LHPP: variants seen among roughly 807,000 people sequenced by gnomAD.
LHPP encodes hLHPP.
Under a neutral mutation model 30.3 loss-of-function variants are expected in LHPP, and 24 were observed. The ratio of observed to expected loss-of-function variants is 0.79; its 90% CI spans 0.57 to 1.11. The LOEUF (loss-of-function observed/expected upper bound fraction) is 1.11. Among genes scored for constraint, LHPP ranks in the 50% most tolerant of loss-of-function variants. The pLI is 0.00. For synonymous variants in LHPP, 150 were observed against 157.1 expected (o/e 0.95, Z 0.34); for missense variants, 356 against 367.2 (o/e 0.97, Z 0.25).
At position 124,509,362 on chromosome 10, in the gene LHPP, G is replaced by A. The variant is rs149795034; in HGVS notation, c.625-7818G>A. ...GCTGCTTCCAGTTTCGCTCTTGTGCGTAACCCTGATGAACACATCTTGTAT... is the reference window on the plus strand; with the variant it reads ...GCTGCTTCCAGTTTCGCTCTTGTGCATAACCCTGATGAACACATCTTGTAT... On this transcript the variant is annotated intron_variant, in intron 5 of 6. Coordinates refer to ENST00000368842, the MANE Select transcript of LHPP (RefSeq NM_022126.4). Among the ~76,000 whole-genome samples, 126 of 152,258 alleles carry A rather than the reference G, an allele frequency of 8.3e-4. 1 individual carries two copies. The highest frequency in any genetic ancestry group is 2.9e-3 in the African/African-American group (120 of 41,536).
chr10:124,490,326 G>A, intron 3 of LHPP: 1 of 254,876 alleles, frequency 3.9e-6, no homozygotes, highest in Non-Finnish European at 8.1e-6. Flanking sequence ...GCTCTCCAGG[G>A]GCAGATGGTG....
intron 6 of LHPP, among the ~76,000 whole-genome samples, chr10:124,524,867 T>C (rs112127716): frequency 2.0e-5 from 3 of 152,350 alleles, no homozygotes; most frequent in African/African-American, 7.2e-5. Flanking sequence ...TGGTAAAATA[T>C]ATATAACATA....
At chr10:124,486,891 C>G (rs1953345502) in intron 2 of LHPP, among the ~76,000 whole-genome samples, 1 of 152,260 alleles carries the variant, frequency 6.6e-6, no homozygotes, top group East Asian at 1.9e-4. Context: ...TGCAGTGGCT[C>G]AGAGGTTATC....
At chr10:124,520,696 G>A (rs191335917) in intron 6 of LHPP, among the ~76,000 whole-genome samples, 2 of 152,360 alleles carry the variant, frequency 1.3e-5, no homozygotes, top group South Asian at 2.1e-4. Flanking sequence ...AGGAGGTGGG[G>A]CTCTGCGTGT....
At chr10:124,574,393 AG>A (rs1194392337) in intron 6 of LHPP, among the ~76,000 whole-genome samples, 2 of 152,002 alleles carry the variant, frequency 1.3e-5, no homozygotes, top group African/African-American at 2.4e-5. Flanking sequence ...CCCTCGGCAT[AG>A]TCCCCTCGAG....
chr10:124,514,038 T>G (rs1046596882), intron 5 of LHPP, among the ~76,000 whole-genome samples: 3 of 152,198 alleles, frequency 2.0e-5, no homozygotes, highest in African/African-American at 4.8e-5. Context: ...CAAGTGCCAG[T>G]TGTCAACCCA....
rs911213845 is a variant in LHPP, at chr10:124,523,089, C to G, written c.716+5818C>G. ...GGCGCCACTGCCTGGGAAGCCCCTG[C>G]GCTAGTCCTGGTGCTGCTGTGTAAA... On this transcript the variant is annotated intron_variant, in intron 6 of 6. Transcript: ENST00000368842. The surrounding 1 kb of genome is among the most constrained non-coding windows in gnomAD (Gnocchi z 4.2). Among the ~76,000 whole-genome samples the G allele has an allele frequency of 1.1e-4, 16 of 152,358 alleles. No homozygotes were observed. The highest frequency in any genetic ancestry group is 3.8e-4 in the African/African-American group (16 of 41,596).
intron 6 of LHPP, among the ~76,000 whole-genome samples, chr10:124,519,903 G>A (rs1757992130): frequency 6.6e-6 from 1 of 151,878 alleles, no homozygotes; most frequent in Admixed American, 6.6e-5. Flanking sequence ...CGCAGTCTCG[G>A]CTCACTGCAA....
At chr10:124,512,277 A>G (rs1261554485) in intron 5 of LHPP, among the ~76,000 whole-genome samples, 1 of 152,168 alleles carries the variant, frequency 6.6e-6, no homozygotes, top group East Asian at 1.9e-4. Context: ...GTGGTGAGAT[A>G]GGGAATTTCC....
intron 6 of LHPP, among the ~76,000 whole-genome samples, chr10:124,554,282 C>T (rs1214464694): frequency 6.6e-6 from 1 of 152,156 alleles, no homozygotes; most frequent in East Asian, 1.9e-4. Flanking sequence ...ACCTTCTGGA[C>T]TCAAGTGATC....
At chr10:124,465,588 T>G (rs1192759239) in intron 1 of LHPP, among the ~76,000 whole-genome samples, 1 of 152,156 alleles carries the variant, frequency 6.6e-6, no homozygotes. Context: ...GAAGAGGAAG[T>G]GAGAGAGGCT....
intron 6 of LHPP, among the ~76,000 whole-genome samples, chr10:124,549,768 G>A (rs1955434084): frequency 6.6e-6 from 1 of 152,248 alleles, no homozygotes; most frequent in African/African-American, 2.4e-5. Context: ...GGCCGGGAAA[G>A]GCATGGCCTC....
At position 124,506,027 on chromosome 10, in the gene LHPP, C is replaced by T. The variant is rs1037957312; in HGVS notation, c.624+7899C>T. 7.9e-5 allele frequency among the ~76,000 whole-genome samples: 12 copies of T among 152,208 alleles called. No individual in the cohort carries two copies. The East Asian group carries it at 9.7e-4, about 12-fold the overall frequency. ...TTGGGAGGCCGAGGTGGGTGGATCACGAGCCCAGGAGTTCGAGACCAGCCT... is the reference window on the plus strand; with the variant it reads ...TTGGGAGGCCGAGGTGGGTGGATCATGAGCCCAGGAGTTCGAGACCAGCCT... On this transcript the variant is annotated intron_variant, in intron 5 of 6. Transcript: ENST00000368842.
In LHPP at chr10:124,545,224, G is replaced by A. The variant is rs537457470; in HGVS notation, c.716+27953G>A. Among the ~76,000 whole-genome samples the A allele has an allele frequency of 2.0e-5, 3 of 152,314 alleles. 1 individual carries two copies. The highest frequency in any genetic ancestry group is 7.2e-5 in the African/African-American group (3 of 41,560). On this transcript the variant is annotated intron_variant, in intron 6 of 6. Transcript: ENST00000368842. ...AACCAGGTTTGGATGCCGGGGCCTCGGCTGAGTCCCTCGCTTCTCTAAGCA... is the reference window on the plus strand; with the variant it reads ...AACCAGGTTTGGATGCCGGGGCCTCAGCTGAGTCCCTCGCTTCTCTAAGCA...
At chr10:124,542,282 T>C (rs1469208165) in intron 6 of LHPP, among the ~76,000 whole-genome samples, 1 of 152,162 alleles carries the variant, frequency 6.6e-6, no homozygotes, top group Non-Finnish European at 1.5e-5. Flanking sequence ...CCAAGCGCCT[T>C]CACTTATTTA....
intron 6 of LHPP, among the ~76,000 whole-genome samples, chr10:124,519,974 A>G (rs993426728): frequency 1.3e-5 from 2 of 151,790 alleles, no homozygotes; most frequent in Admixed American, 6.6e-5. Context: ...CTGGGACTAC[A>G]GGCGCCCACC....
At chr10:124,490,841 C>T (rs1299129785) in intron 3 of LHPP, among the ~76,000 whole-genome samples, 1 of 152,158 alleles carries the variant, frequency 6.6e-6, no homozygotes, top group Non-Finnish European at 1.5e-5. Context: ...CAGGGTTCTG[C>T]ACAACCTAGA....
chr10:124,489,030 A>G (rs1022221005), intron 3 of LHPP, among the ~76,000 whole-genome samples: 1 of 152,190 alleles, frequency 6.6e-6, no homozygotes, highest in Non-Finnish European at 1.5e-5. Context: ...CTGGCCACAG[A>G]TCACTGTCTC....
chr10:124,511,949 T>C (rs986695061), intron 5 of LHPP, among the ~76,000 whole-genome samples: 2 of 152,108 alleles, frequency 1.3e-5, no homozygotes, highest in African/African-American at 4.8e-5. Context: ...TTGGCCCCTT[T>C]TGCTTGTCAG....
Sources: gnomAD v4.1 joint callset for allele counts (sites outside exome capture counted in the v4.1 genomes callset) on GRCh38, gnomAD v4.1.1 for gene constraint, Gnocchi (gnomAD v3.1) non-coding constraint, MANE v1.5 for transcripts, NCBI Gene and HGNC (gene_info 2026-07-23, HGNC 2026-07-21) for gene names.